Variants in SGMS2 observed in about 807,000 individuals in gnomAD.
SGMS2 encodes sphingomyelin synthase 2.
Under a neutral mutation model 43.8 loss-of-function variants are expected in SGMS2, and 21 were observed. That is an observed-to-expected ratio of 0.48 (90% CI 0.34 to 0.69). SGMS2 has a LOEUF of 0.69. Ranked by LOEUF, SGMS2 falls within the 30% of genes least tolerant of loss-of-function variation. The pLI is 0.01. For missense variants in SGMS2, 384 were observed against 443.2 expected (o/e 0.87, Z 1.20); for synonymous variants, 167 against 160.6 (o/e 1.04, Z -0.30).
At chr4:107,877,173 T>C (rs1728970679) in intron 2 of SGMS2, among the ~76,000 whole-genome samples, 1 of 152,006 alleles carries the variant, frequency 6.6e-6, no homozygotes, top group African/African-American at 2.4e-5. Flanking sequence ...GCTGGCATGG[T>C]GGTGTTCACC....
intron 2 of SGMS2, among the ~76,000 whole-genome samples, chr4:107,884,303 G>A (rs1274452514): frequency 1.3e-5 from 2 of 152,190 alleles, no homozygotes; most frequent in South Asian, 2.1e-4. Context: ...TATTTTGTTT[G>A]TTGTTGTTTT....
chr4:107,834,032 C>G (rs1050034101), intron 1 of SGMS2, among the ~76,000 whole-genome samples: 3 of 152,172 alleles, frequency 2.0e-5, no homozygotes, highest in Non-Finnish European at 4.4e-5. Flanking sequence ...ATGTTTAGCT[C>G]AGAGAGATCC....
intron 1 of SGMS2, among the ~76,000 whole-genome samples, chr4:107,836,299 G>A (rs541089047): frequency 5.3e-5 from 8 of 152,126 alleles, no homozygotes; most frequent in South Asian, 2.1e-4. Flanking sequence ...TTCATTAAGC[G>A]TTGCCATCCA....
At chr4:107,827,321 G>C (rs1285304529) in intron 1 of SGMS2, among the ~76,000 whole-genome samples, 1 of 152,164 alleles carries the variant, frequency 6.6e-6, no homozygotes, top group African/African-American at 2.4e-5. Context: ...TGTGCTAGGG[G>C]CCAGCAATGC....
chr4:107,829,856 G>A (rs1266827719), intron 1 of SGMS2, among the ~76,000 whole-genome samples: 1 of 152,010 alleles, frequency 6.6e-6, no homozygotes, highest in Non-Finnish European at 1.5e-5. Context: ...TAACAGGCAT[G>A]AGCCACCCTT....
intron 2 of SGMS2, among the ~76,000 whole-genome samples, chr4:107,888,318 T>C (rs1729916093): frequency 6.6e-6 from 1 of 152,120 alleles, no homozygotes; most frequent in Non-Finnish European, 1.5e-5. Context: ...GATACATGGA[T>C]GCAATAACCT....
chr4:107,832,669 A>G (rs1186509106), intron 1 of SGMS2, among the ~76,000 whole-genome samples: 2 of 152,198 alleles, frequency 1.3e-5, no homozygotes, highest in African/African-American at 4.8e-5. Context: ...CAAACATATG[A>G]TCAACTCCTT....
At chr4:107,902,110 G>T (rs1731167106) in intron 4 of SGMS2, among the ~76,000 whole-genome samples, 1 of 149,958 alleles carries the variant, frequency 6.7e-6, no homozygotes, top group South Asian at 2.1e-4. Context: ...GTAGAGACAG[G>T]GTTTCTCCAT....
At chr4:107,894,694 T>C (rs1417158841) in intron 2 of SGMS2, among the ~76,000 whole-genome samples, 2 of 152,218 alleles carry the variant, frequency 1.3e-5, no homozygotes, top group Admixed American at 1.3e-4. Flanking sequence ...CCAGCTTTTC[T>C]TGTATATGGT....
intron 5 of SGMS2, among the ~76,000 whole-genome samples, chr4:107,906,739 G>A (rs976355213): frequency 6.6e-6 from 1 of 152,166 alleles, no homozygotes; most frequent in Non-Finnish European, 1.5e-5. Flanking sequence ...CACTGCTGGG[G>A]TTTCCAGCCG....
chr4:107,869,098 A>C (rs1728359440), intron 2 of SGMS2, among the ~76,000 whole-genome samples: 1 of 152,192 alleles, frequency 6.6e-6, no homozygotes, highest in Non-Finnish European at 1.5e-5. Flanking sequence ...TTTCTTAAGA[A>C]GCAGAAAGTT....
At chr4:107,837,314 A>C (rs1389166) in intron 1 of SGMS2, among the ~76,000 whole-genome samples, 58,977 of 152,014 alleles carry the variant, frequency 0.39, 12,280 homozygotes, top group Middle Eastern at 0.48. Flanking sequence ...GGAAGGAAGT[A>C]GAGAGTGACT....
chr4:107,863,519 A>G (rs1345296068), intron 2 of SGMS2: 1 of 152,192 alleles, frequency 6.6e-6, no homozygotes, highest in Non-Finnish European at 1.5e-5. Context: ...AAGGACTGCA[A>G]TCATAGAAAT....
chr4:107,850,706 AG>A (rs1312165163), intron 1 of SGMS2, among the ~76,000 whole-genome samples: 1 of 152,172 alleles, frequency 6.6e-6, no homozygotes, highest in African/African-American at 2.4e-5. Flanking sequence ...CTGAGGTAAA[AG>A]CATGTGGCTG....
chr4:107,841,327 T>C (rs1726485755), intron 1 of SGMS2, among the ~76,000 whole-genome samples: 3 of 152,332 alleles, frequency 2.0e-5, no homozygotes, highest in African/African-American at 7.2e-5. Flanking sequence ...CCAAATCTTT[T>C]TTTCATTATT....
At chr4:107,879,526 A>T (rs1440492947) in intron 2 of SGMS2, among the ~76,000 whole-genome samples, 2 of 151,074 alleles carry the variant, frequency 1.3e-5, no homozygotes, top group Non-Finnish European at 2.9e-5. Flanking sequence ...CGGTGGCACC[A>T]TCTCATCTCA....
intron 1 of SGMS2, among the ~76,000 whole-genome samples, chr4:107,848,495 C>A (rs1340896769): frequency 2.6e-5 from 4 of 152,180 alleles, no homozygotes; most frequent in African/African-American, 9.6e-5. Flanking sequence ...AACTGCCTTA[C>A]TGTCCACCAG....
At position 107,839,472 on chromosome 4, in the gene SGMS2, G is replaced by T. The variant is rs545829039; in HGVS notation, c.-327+14219G>T. ...CCCCAATTATGCTAGTTGCTGTGGAGATATTAAGTGTATTGCTAATGGAGG... is the reference window on the plus strand; with the variant it reads ...CCCCAATTATGCTAGTTGCTGTGGATATATTAAGTGTATTGCTAATGGAGG... On this transcript the variant is annotated intron_variant, in intron 1 of 6. Coordinates refer to ENST00000690982, the MANE Select transcript of SGMS2 (RefSeq NM_001375905.1). Among the ~76,000 whole-genome samples the T allele has an allele frequency of 1.4e-3, 217 of 152,180 alleles. 1 individual carries two copies. Among genetic ancestry groups the T allele is most frequent in the African/African-American group, 4.9e-3 (205 of 41,498 alleles).
At chr4:107,876,233 A>G (rs1225354023) in intron 2 of SGMS2, among the ~76,000 whole-genome samples, 2 of 152,170 alleles carry the variant, frequency 1.3e-5, no homozygotes, top group Admixed American at 6.6e-5. Context: ...GACTCCTACA[A>G]GGAAATGATA....
Sources: gnomAD v4.1 joint callset for allele counts (sites outside exome capture counted in the v4.1 genomes callset) on GRCh38, gnomAD v4.1.1 for gene constraint, MANE v1.5 for transcripts, NCBI Gene and HGNC (gene_info 2026-07-23, HGNC 2026-07-21) for gene names.